DNAH1: variants seen among roughly 807,000 people sequenced by gnomAD.
DNAH1 encodes the protein axonemal beta dynein heavy chain 1.
DNAH1 carries 327 observed loss-of-function variants against 484.3 expected under a neutral mutation model. The ratio of observed to expected loss-of-function variants is 0.68; its 90% CI spans 0.62 to 0.74. The LOEUF (loss-of-function observed/expected upper bound fraction) is 0.74, where lower values mean the gene tolerates loss of function less well. Ranked by LOEUF, DNAH1 falls within the 30% of genes least tolerant of loss-of-function variation. The pLI is 0.00. For missense variants in DNAH1, 5,052 were observed against 5,546.8 expected, an observed-to-expected ratio of 0.91 and a Z score of 2.83; for synonymous variants, 2,192 against 2,191.9, an observed-to-expected ratio of 1.00 and a Z score of 0.00.
rs552575795 is a variant in DNAH1 at position 52,362,702 on chromosome 3, G to A, written c.5094+201G>A. ...GGGAGAAGTCAGGCTGCCTATGGATGTGGTGTGGAGGGGGAATCTAATGAG... is the reference window on the plus strand; with the variant it reads ...GGGAGAAGTCAGGCTGCCTATGGATATGGTGTGGAGGGGGAATCTAATGAG... On this transcript the variant is annotated intron_variant, in intron 31 of 77. Coordinates refer to ENST00000420323, the MANE Select transcript of DNAH1 (RefSeq NM_015512.5). The surrounding 1 kb of genome is among the most constrained non-coding windows in gnomAD (Gnocchi z 5.1). Among the ~76,000 whole-genome samples, 21 of 152,352 alleles carry A rather than the reference G, an allele frequency of 1.4e-4. No homozygotes were observed. The highest frequency in any genetic ancestry group is 2.2e-4 in the Non-Finnish European group (15 of 68,036).
Position 52,361,569 on chromosome 3 carries a change from T to C in DNAH1, c.4875-92T>C. 1 of 1,403,308 alleles carries C rather than the reference T, an allele frequency of 7.1e-7. No individual in the cohort carries two copies. The highest frequency in any genetic ancestry group is 9.8e-7 in the Non-Finnish European group (1 of 1,024,788). The allele number at this position is 1,403,308 out of a possible 1,614,324, so 86.9% of individuals were successfully genotyped here. On this transcript the variant is annotated intron_variant, in intron 29 of 77. Coordinates refer to ENST00000420323, the MANE Select transcript of DNAH1 (RefSeq NM_015512.5). The surrounding 1 kb of genome is among the most constrained non-coding windows in gnomAD (Gnocchi z 5.6). ...ATGGAGATTGCCCCTGAGGGCTTCC[T>C]CCCAAGTGGAGTTGGAGGGGGCCCT... is the stretch of plus-strand genomic sequence containing the variant.
intron 16 of DNAH1, among the ~76,000 whole-genome samples, chr3:52,351,549 G>T (rs1484768711): frequency 6.6e-6 from 1 of 152,244 alleles, no homozygotes; most frequent in Non-Finnish European, 1.5e-5. Context: ...AAAGGGAGTT[G>T]GTCTGACCTG....
intron 2 of DNAH1, among the ~76,000 whole-genome samples, chr3:52,323,079 CATT>C (rs1220828926): frequency 2.6e-5 from 4 of 152,178 alleles, no homozygotes; most frequent in African/African-American, 4.8e-5. Context: ...TCCCTATTGT[CATT>C]GTTGTGGGGC....
Position 52,323,789 on chromosome 3 carries a change from C to A in DNAH1, c.334-19C>A. The stretch of plus-strand genomic sequence containing the variant: ...CTGGGAGGTTGACACATACTCAGGG[C>A]TCCATGGTTTGGTTTCAGGAGGTAT... On this transcript the variant is annotated intron_variant, in intron 2 of 77. Coordinates refer to ENST00000420323, the MANE Select transcript of DNAH1 (RefSeq NM_015512.5). The A allele has an allele frequency of 1.9e-6, 3 of 1,581,888 alleles. No individual in the cohort carries two copies. Among genetic ancestry groups the A allele is most frequent in the Non-Finnish European group, 1.7e-6 (2 of 1,163,236 alleles).
rs775701196 is a variant in DNAH1 at position 52,358,677 on chromosome 3, G to A, written c.4206G>A (p.Glu1402=). ...SNVEDWLREV[E]RSMKASVHDI... ...TGGAGGACTGGCTGCGGGAGGTGGAGCGCAGCATGAAGGCCAGTGTGCACG... is the reference window on the plus strand; with the variant it reads ...TGGAGGACTGGCTGCGGGAGGTGGAACGCAGCATGAAGGCCAGTGTGCACG... Residue 1402 remains glutamate, a synonymous_variant, in exon 25 of 78, where the codon GAG becomes GAA. Transcript: ENST00000420323. This position sits in a 1 kb window ranked among gnomAD's most constrained non-coding sequence, Gnocchi z 4.2. The A allele has an allele frequency of 6.2e-7, 1 of 1,613,134 alleles. No homozygotes were observed. Among genetic ancestry groups the A allele is most frequent in the East Asian group, 2.2e-5 (1 of 44,874 alleles).
chr3:52,323,343 G>C (rs556142660), intron 2 of DNAH1, among the ~76,000 whole-genome samples: 11 of 151,794 alleles, frequency 7.2e-5, no homozygotes, highest in African/African-American at 2.7e-4. Flanking sequence ...AGAGAGGGGG[G>C]AATGACGAGG....
At chr3:52,371,846 C>T (rs1391230384) in intron 41 of DNAH1, 100 bp from the exon 42 acceptor site, 31 of 1,517,498 alleles carry the variant, frequency 2.0e-5, no homozygotes, top group East Asian at 6.8e-5. Context: ...AAAGCCCAGC[C>T]GTGCAGCTCC....
rs748004643 is a variant in DNAH1 at position 52,373,038 on chromosome 3, G to A, written c.6970G>A (p.Asp2324Asn). The change falls in exon 44 of 78, where the codon GAC (aspartate) becomes AAC (asparagine). Residue 2324 changes from aspartate (D) to asparagine (N), a missense_variant. Physicochemically the swap from Asp to Asn is conservative, Grantham distance 23. Coordinates refer to ENST00000420323, the MANE Select transcript of DNAH1 (RefSeq NM_015512.5). Reference protein sequence around the residue: ...RQWMDHGGWYDRKIIGAFKNL... With the variant: ...RQWMDHGGWYNRKIIGAFKNL... The stretch of plus-strand genomic sequence containing the variant: ...GTGGATGGACCACGGCGGCTGGTAC[G>A]ACCGCAAGATCATTGGTGAGTGTGG... The A allele has an allele frequency of 3.1e-6, 5 of 1,612,004 alleles. No individual in the cohort carries two copies. The highest frequency in any genetic ancestry group is 1.7e-5 in the Admixed American group (1 of 59,940).
At chr3:52,385,591 ATT>A in intron 54 of DNAH1, 144 bp downstream of exon 54, 1 of 677,316 alleles carries the variant, frequency 1.5e-6, no homozygotes. Flanking sequence ...GTAGCCATCC[ATT>A]TTGTCATGGA....
intron 15 of DNAH1, among the ~76,000 whole-genome samples, 175 bp downstream of exon 15, chr3:52,350,283 G>C (rs944007709): frequency 6.6e-6 from 1 of 151,914 alleles, no homozygotes; most frequent in Non-Finnish European, 1.5e-5. Flanking sequence ...GAGCTCTGCT[G>C]TCTGGGGGTA....
chr3:52,385,303 A>T, intron 53 of DNAH1, 34 bp from the exon 54 acceptor site: 1 of 1,543,790 alleles, frequency 6.5e-7, no homozygotes, highest in Non-Finnish European at 8.8e-7. Context: ...TGTCCCTGCC[A>T]CACCTGTTTT....
chr3:52,373,004 G>C lies in DNAH1; in HGVS notation c.6936G>C (p.Leu2312=), dbSNP rs377440957. The C allele has an allele frequency of 5.0e-6, 8 of 1,613,612 alleles. No homozygotes were observed. The highest frequency in any genetic ancestry group is 6.8e-6 in the Non-Finnish European group (8 of 1,179,866). Residue 2312 remains leucine (L), a synonymous_variant, in exon 44 of 78, where the codon CTG becomes CTC. Transcript: ENST00000420323. ...ACGGTGCACAGCCACCCATCGAGCT[G>C]TTGCGCCAGTGGATGGACCACGGCG... ...ETYGAQPPIE[L]LRQWMDHGGW...
rs1446349159 is a variant in DNAH1, at chr3:52,361,269, C to T, written c.4791C>T (p.Ala1597=). 6.2e-7 allele frequency: 1 copy of T among 1,612,600 alleles called. No individual in the cohort carries two copies. The highest frequency in any genetic ancestry group is 1.7e-5 in the Admixed American group (1 of 59,864). The change falls in exon 29 of 78, where the codon GCC becomes GCT. Residue 1597 remains alanine (A), a synonymous_variant. Coordinates refer to ENST00000420323, the MANE Select transcript of DNAH1 (RefSeq NM_015512.5). The surrounding 1 kb of genome is among the most constrained non-coding windows in gnomAD (Gnocchi z 5.6). ...AGACCACCAAAGACCTGGGTAAGGC[C>T]TTGGCCATACAGACCGTTGTGTTCA... ...KTETTKDLGK[A]LAIQTVVFNC...
At chr3:52,383,359 G>C (rs760980691) in intron 50 of DNAH1, 27 bp from the exon 51 acceptor site, 8 of 1,605,488 alleles carry the variant, frequency 5.0e-6, no homozygotes, top group South Asian at 4.4e-5. Context: ...CAGGGGCTTA[G>C]CTCCCCACTC....
chr3:52,372,147 G>C, intron 42 of DNAH1, 61 bp downstream of exon 42: 1 of 1,609,902 alleles, frequency 6.2e-7, no homozygotes, highest in Non-Finnish European at 8.5e-7. Context: ...GGGTTGACCA[G>C]CCTCCCACAT....
intron 5 of DNAH1, 49 bp from the exon 6 acceptor site, chr3:52,327,833 C>T (rs757578573): frequency 8.7e-6 from 14 of 1,602,350 alleles, no homozygotes; most frequent in Non-Finnish European, 1.2e-5. Context: ...CCCACCTGGG[C>T]CCCACTAGAG....
intron 8 of DNAH1, among the ~76,000 whole-genome samples, chr3:52,339,098 C>G (rs1038876007): frequency 4.0e-5 from 6 of 150,842 alleles, no homozygotes; most frequent in African/African-American, 1.5e-4. Context: ...TTTTGTTTTT[C>G]TTCATCAAGG....
At chr3:52,341,595 G>T (rs952638583) in intron 8 of DNAH1, among the ~76,000 whole-genome samples, 2 of 148,626 alleles carry the variant, frequency 1.3e-5, no homozygotes. Context: ...AGAGTGCAGT[G>T]GAGCAATCTT....
rs766795555 is a variant in DNAH1, at chr3:52,378,705, C to T, written c.7302C>T (p.Ser2434=). The change falls in exon 47 of 78, where the codon TCC becomes TCT. Residue 2434 remains serine, a synonymous_variant. Coordinates refer to ENST00000420323, the MANE Select transcript of DNAH1 (RefSeq NM_015512.5). ...AGCTGCTGCCCACTCCAGCCAAGTC[C>T]CACTACACCTTCAACCTGAGGGACC... is the stretch of plus-strand genomic sequence containing the variant. ...TSQLLPTPAK[S]HYTFNLRDLS... is the part of the protein sequence containing the mutation. 9 of 1,613,690 alleles carry T rather than the reference C, an allele frequency of 5.6e-6. No individual in the cohort carries two copies. Among genetic ancestry groups the T allele is most frequent in the Non-Finnish European group, 7.6e-6 (9 of 1,179,876 alleles).
Sources: allele counts gnomAD v4.1 joint callset (sites outside exome capture counted in the v4.1 genomes callset), GRCh38; gene constraint gnomAD v4.1.1; non-coding constraint Gnocchi (gnomAD v3.1); transcripts MANE v1.5; gene names NCBI Gene and HGNC (gene_info 2026-07-23, HGNC 2026-07-21).